NAV2: variants seen among roughly 807,000 people sequenced by gnomAD.
NAV2 encodes the protein helicase, APC down-regulated 1.
Under a neutral mutation model 223.2 loss-of-function variants are expected in NAV2, and 54 were observed. That is an observed-to-expected ratio of 0.24 (90% CI 0.19 to 0.30). NAV2 has a LOEUF of 0.30. Among genes scored for constraint, NAV2 ranks in the 10% least tolerant of loss-of-function variants. NAV2 has a pLI of 1.00. For synonymous variants in NAV2, 1,279 were observed against 1,239.3 expected, an observed-to-expected ratio of 1.03 and a Z score of -0.67; for missense variants, 2,806 against 3,147.5, an observed-to-expected ratio of 0.89 and a Z score of 2.60.
At chr11:20,071,112 C>CT (rs59438237) in intron 22 of NAV2, among the ~76,000 whole-genome samples, 2 of 141,528 alleles carry the variant, frequency 1.4e-5, no homozygotes, top group Middle Eastern at 3.5e-3. Context: ...CCTAGCCCCC[C>CT]ACCCCCCGAC....
intron 24 of NAV2, among the ~76,000 whole-genome samples, 184 bp from the exon 25 acceptor site, chr11:20,079,880 A>G (rs5001560): frequency 0.88 from 133,876 of 152,048 alleles, 59,048 homozygotes; most frequent in East Asian, 0.95. Context: ...TTAATTGACC[A>G]AAGAGGGCAA....
intron 1 of NAV2, among the ~76,000 whole-genome samples, chr11:19,627,138 A>G (rs1185535287): frequency 6.6e-6 from 1 of 152,172 alleles, no homozygotes; most frequent in Admixed American, 6.5e-5. Flanking sequence ...CTGTAATCCT[A>G]ACACTTTAGG....
chr11:19,684,966 C>T (rs529224984), intron 1 of NAV2, among the ~76,000 whole-genome samples: 6 of 152,310 alleles, frequency 3.9e-5, no homozygotes, highest in Non-Finnish European at 7.3e-5. Flanking sequence ...CCAAGTCCCT[C>T]ACTCCATAAA....
chr11:20,090,007 T>C (rs1429419829), intron 26 of NAV2, among the ~76,000 whole-genome samples: 1 of 152,234 alleles, frequency 6.6e-6, no homozygotes, highest in African/African-American at 2.4e-5. Context: ...TCTAACTCCC[T>C]GAAGAGGTTT....
At chr11:20,092,641 T>A (rs2060932685) in intron 28 of NAV2, among the ~76,000 whole-genome samples, 1 of 152,074 alleles carries the variant, frequency 6.6e-6, no homozygotes, top group Admixed American at 6.5e-5. Flanking sequence ...TGATCCATTT[T>A]AAGAGGCTGA....
At chr11:19,866,372 TC>T (rs1216421403) in intron 3 of NAV2, among the ~76,000 whole-genome samples, 1 of 152,122 alleles carries the variant, frequency 6.6e-6, no homozygotes, top group Admixed American at 6.5e-5. Context: ...CCACCCTCCA[TC>T]CCTAGCCAGT....
intron 1 of NAV2, among the ~76,000 whole-genome samples, chr11:19,586,614 G>A (rs1243921803): frequency 6.6e-6 from 1 of 152,224 alleles, no homozygotes; most frequent in African/African-American, 2.4e-5. Context: ...ACCCTCAGCT[G>A]CAGGTCTGTT....
intron 1 of NAV2, among the ~76,000 whole-genome samples, chr11:19,618,876 C>A: frequency 6.6e-6 from 1 of 150,588 alleles, no homozygotes; most frequent in Non-Finnish European, 1.5e-5. Context: ...TTGGCTAGAG[C>A]TAAGGGGCAG....
chr11:19,429,913 T>G (rs1020114180), intron 1 of NAV2, among the ~76,000 whole-genome samples: 2 of 152,180 alleles, frequency 1.3e-5, no homozygotes, highest in African/African-American at 4.8e-5. Context: ...GAAACATCAT[T>G]TCCAGTCCCT....
Position 19,713,987 on chromosome 11 carries a change from A to G in NAV2, c.267+25A>G. 1.2e-6 allele frequency: 2 copies of G among 1,611,510 alleles called. No homozygotes were observed. On this transcript the variant is annotated intron_variant, in intron 1 of 37. Transcript: ENST00000349880. This position sits in a 1 kb window ranked among gnomAD's most constrained non-coding sequence, Gnocchi z 7.2. The stretch of plus-strand genomic sequence containing the variant: ...GGTGAGAGATGCCGTTTGCCGGGGT[A>G]CTGTTCTGGAAGGATGGATGAATAG...
intron 1 of NAV2, among the ~76,000 whole-genome samples, chr11:19,382,612 T>C (rs1848887134): frequency 6.6e-6 from 1 of 152,210 alleles, no homozygotes; most frequent in Non-Finnish European, 1.5e-5. Context: ...CGAAGTCTAA[T>C]GACTGAAAAT....
chr11:19,572,788 A>C (rs2045462892), intron 1 of NAV2, among the ~76,000 whole-genome samples: 1 of 152,176 alleles, frequency 6.6e-6, no homozygotes, highest in Admixed American at 6.5e-5. Context: ...TGTATATAAA[A>C]GCTTCCAGAA....
intron 1 of NAV2, among the ~76,000 whole-genome samples, chr11:19,478,353 A>G (rs2632029): frequency 0.81 from 122,996 of 152,064 alleles, 51,065 homozygotes; most frequent in South Asian, 0.93. Flanking sequence ...GTGCCTGCAA[A>G]AATTGCTGAT....
At chr11:19,461,266 C>A (rs1172822402) in intron 1 of NAV2, among the ~76,000 whole-genome samples, 1 of 152,170 alleles carries the variant, frequency 6.6e-6, no homozygotes, top group Non-Finnish European at 1.5e-5. Context: ...CGCCTCCCCT[C>A]TCCCTGGTCC....
chr11:19,446,914 C>T (rs1851605442), intron 1 of NAV2, among the ~76,000 whole-genome samples: 1 of 152,300 alleles, frequency 6.6e-6, no homozygotes. Context: ...CCTGGTCTCT[C>T]TAGTGCCATG....
intron 1 of NAV2, among the ~76,000 whole-genome samples, chr11:19,746,570 A>G (rs2053367498): frequency 6.6e-6 from 1 of 152,212 alleles, no homozygotes; most frequent in African/African-American, 2.4e-5. Flanking sequence ...GGATTGATCA[A>G]AAGAAGGTGG....
In NAV2 at chr11:20,041,818, T is replaced by C. The variant is rs79185201; in HGVS notation, c.2908-2163T>C. Among the ~76,000 whole-genome samples the C allele has an allele frequency of 4.4e-4, 67 of 152,344 alleles. No individual in the cohort carries two copies. The East Asian group carries it at 0.012, about 27-fold the overall frequency. On this transcript the variant is annotated intron_variant, in intron 12 of 37. Coordinates refer to ENST00000349880, the MANE Select transcript of NAV2 (RefSeq NM_145117.5). Reference sequence around the variant, plus strand: ...TATGCTCTGCCCCAAACTCTTCTTTTACTAAGTAAGTTTCTTTTCTTTCTT... The same window carrying C: ...TATGCTCTGCCCCAAACTCTTCTTTCACTAAGTAAGTTTCTTTTCTTTCTT...
intron 34 of NAV2, among the ~76,000 whole-genome samples, 181 bp downstream of exon 34, chr11:20,103,905 A>C (rs188463547): frequency 9.8e-5 from 15 of 152,346 alleles, no homozygotes; most frequent in African/African-American, 3.1e-4. Flanking sequence ...CACCACTCTC[A>C]GTTTACCAAT....
At chr11:19,446,756 G>A (rs748636461) in intron 1 of NAV2, among the ~76,000 whole-genome samples, 2 of 152,168 alleles carry the variant, frequency 1.3e-5, no homozygotes, top group Middle Eastern at 3.2e-3. Flanking sequence ...GAGCCTGGTG[G>A]GGAGGGAGAA....
Sources: gnomAD v4.1 joint callset for allele counts (sites outside exome capture counted in the v4.1 genomes callset) on GRCh38, gnomAD v4.1.1 for gene constraint, Gnocchi (gnomAD v3.1) non-coding constraint, MANE v1.5 for transcripts, NCBI Gene and HGNC (gene_info 2026-07-23, HGNC 2026-07-21) for gene names.